The following KIF13B variants were observed in gnomAD, a reference collection of about 807,000 sequenced individuals.
The protein encoded by KIF13B is kinesin-like protein KIF13B.
A neutral mutation model predicts 222.0 loss-of-function variants in KIF13B; 127 were observed. That is an observed-to-expected ratio of 0.57 (90% CI 0.50 to 0.66). KIF13B has a LOEUF of 0.66. KIF13B is among the 30% of genes least tolerant of loss of function. The pLI is 0.00. For synonymous variants in KIF13B, 976 were observed against 919.0 expected (o/e 1.06, Z -1.12); for missense variants, 2,173 against 2,379.0 (o/e 0.91, Z 1.80).
intron 1 of KIF13B, among the ~76,000 whole-genome samples, chr8:29,246,347 A>C (rs1816022034): frequency 2.0e-5 from 3 of 151,972 alleles, no homozygotes; most frequent in South Asian, 4.2e-4. Flanking sequence ...ACTGCACTCC[A>C]GCCTGGGAGA....
intron 14 of KIF13B, among the ~76,000 whole-genome samples, chr8:29,150,991 A>G (rs1811272785): frequency 1.4e-5 from 2 of 142,934 alleles, no homozygotes; most frequent in Admixed American, 1.3e-4. Flanking sequence ...AAACCAAGAC[A>G]GGACGAAAAG....
intron 26 of KIF13B, among the ~76,000 whole-genome samples, chr8:29,124,931 T>C (rs978660951): frequency 1.3e-5 from 2 of 150,446 alleles, no homozygotes; most frequent in Non-Finnish European, 2.9e-5. Flanking sequence ...TCACCTTTCA[T>C]GCCAACTACT....
intron 37 of KIF13B, among the ~76,000 whole-genome samples, chr8:29,080,306 T>G (rs1586748546): frequency 8.9e-6 from 1 of 112,220 alleles, no homozygotes; most frequent in African/African-American, 3.6e-5. Flanking sequence ...TCACCCTGGG[T>G]GACAGAGTGA....
intron 10 of KIF13B, among the ~76,000 whole-genome samples, chr8:29,173,042 G>A (rs1214461346): frequency 2.0e-5 from 3 of 151,762 alleles, no homozygotes; most frequent in Admixed American, 6.6e-5. Context: ...AATCTCCCGA[G>A]TAGCTGGGAT....
intron 13 of KIF13B, 60 bp from the exon 14 acceptor site, chr8:29,155,916 C>G: frequency 7.6e-7 from 1 of 1,323,062 alleles, no homozygotes; most frequent in Non-Finnish European, 1.1e-6. Flanking sequence ...CAATTGAAAT[C>G]ATTTACACTG....
intron 10 of KIF13B, among the ~76,000 whole-genome samples, chr8:29,168,672 A>G (rs1812110614): frequency 6.6e-6 from 1 of 152,084 alleles, no homozygotes; most frequent in South Asian, 2.1e-4. Context: ...CCTGCTGACA[A>G]CCATGTAAGT....
chr8:29,212,631 T>A (rs1443928046), intron 2 of KIF13B, among the ~76,000 whole-genome samples: 2 of 152,082 alleles, frequency 1.3e-5, no homozygotes, highest in African/African-American at 4.8e-5. Flanking sequence ...TCCTTTGACC[T>A]CTTTAACCAC....
intron 2 of KIF13B, among the ~76,000 whole-genome samples, chr8:29,202,861 C>A (rs1200069355): frequency 6.6e-6 from 1 of 152,040 alleles, no homozygotes; most frequent in African/African-American, 2.4e-5. Flanking sequence ...ACGTCACTCC[C>A]CTGTCCTCCA....
chr8:29,141,876 G>C lies in KIF13B; in HGVS notation c.2334+281C>G, dbSNP rs539365414. On this transcript the variant is annotated intron_variant, in intron 19 of 39. Coordinates refer to ENST00000524189, the MANE Select transcript of KIF13B (RefSeq NM_015254.4). ...CCTAAAGAGGTTCCCAGAGAGCACA[G>C]GAGACAGACACCCGCACACCAACAG... Among the ~76,000 whole-genome samples, 169 of 152,298 alleles carry C rather than the reference G, an allele frequency of 1.1e-3. 1 individual carries two copies. Among genetic ancestry groups the C allele is most frequent in the Non-Finnish European group, 1.9e-3 (130 of 68,040 alleles).
At chr8:29,171,370 T>A (rs1812229380) in intron 10 of KIF13B, among the ~76,000 whole-genome samples, 2 of 152,068 alleles carry the variant, frequency 1.3e-5, no homozygotes, top group South Asian at 4.1e-4. Flanking sequence ...CTTCTCTCAT[T>A]CTCAGATGTT....
intron 6 of KIF13B, among the ~76,000 whole-genome samples, chr8:29,185,266 C>A (rs1192707869): frequency 1.3e-5 from 2 of 152,310 alleles, no homozygotes; most frequent in South Asian, 4.1e-4. Context: ...CAAATGTTAT[C>A]AAGCAAGTAC....
At chr8:29,107,770 C>T (rs2133603017) in intron 35 of KIF13B, among the ~76,000 whole-genome samples, 1 of 152,136 alleles carries the variant, frequency 6.6e-6, no homozygotes, top group Admixed American at 6.5e-5. Flanking sequence ...CCGTGTTAGC[C>T]AGGATGGTCT....
intron 8 of KIF13B, among the ~76,000 whole-genome samples, chr8:29,177,841 C>G (rs1201761826): frequency 2.6e-5 from 4 of 152,160 alleles, no homozygotes; most frequent in Non-Finnish European, 1.5e-5. Flanking sequence ...CCCAGAAGTT[C>G]CAGGCTACAG....
chr8:29,161,977 T>C (rs926819715), intron 12 of KIF13B, among the ~76,000 whole-genome samples: 2 of 152,084 alleles, frequency 1.3e-5, no homozygotes, highest in African/African-American at 2.4e-5. Context: ...ACAAACAAAT[T>C]TGCATATGCA....
At chr8:29,166,522 T>C (rs573422917) in intron 11 of KIF13B, among the ~76,000 whole-genome samples, 1 of 152,140 alleles carries the variant, frequency 6.6e-6, no homozygotes, top group Admixed American at 6.5e-5. Context: ...CTGACCAACA[T>C]GGAGAAACCC....
chr8:29,196,892 G>A (rs1291933493), intron 2 of KIF13B, among the ~76,000 whole-genome samples: 1 of 152,064 alleles, frequency 6.6e-6, no homozygotes, highest in Non-Finnish European at 1.5e-5. Context: ...TCCAAATTCT[G>A]GAGCATTTTG....
chr8:29,244,554 A>C (rs1346447230), intron 2 of KIF13B, among the ~76,000 whole-genome samples: 1 of 152,152 alleles, frequency 6.6e-6, no homozygotes, highest in Non-Finnish European at 1.5e-5. Context: ...AACTTTTCCT[A>C]ATCCACCTTG....
Position 29,166,447 on chromosome 8 carries a change from C to T in KIF13B, c.1159-675G>A, listed in dbSNP as rs536864285. ...AGCACGGTGGCTCACGCCTGTAATCCCAGCACTTTGGGAGGCCGAGGCGGG... is the reference window on the plus strand; with the variant it reads ...AGCACGGTGGCTCACGCCTGTAATCTCAGCACTTTGGGAGGCCGAGGCGGG... On this transcript the variant is annotated intron_variant, in intron 11 of 39. Transcript: ENST00000524189. 5.9e-5 allele frequency among the ~76,000 whole-genome samples: 9 copies of T among 152,182 alleles called. No individual in the cohort carries two copies. The South Asian group carries it at 6.2e-4, about 11-fold the overall frequency.
chr8:29,092,130 C>T (rs1808327264), intron 37 of KIF13B, among the ~76,000 whole-genome samples: 1 of 152,244 alleles, frequency 6.6e-6, no homozygotes, highest in South Asian at 2.1e-4. Flanking sequence ...TCATTTTCTG[C>T]TGAGTTAACA....
Sources: allele counts gnomAD v4.1 joint callset (sites outside exome capture counted in the v4.1 genomes callset), GRCh38; gene constraint gnomAD v4.1.1; transcripts MANE v1.5; gene names NCBI Gene and HGNC (gene_info 2026-07-23, HGNC 2026-07-21).